EDA: variants seen among roughly 807,000 people sequenced by gnomAD.
The protein encoded by EDA is ectodysplasin-A.
EDA carries 2 observed loss-of-function variants against 23.6 expected under a neutral mutation model. The ratio of observed to expected loss-of-function variants is 0.08; its 90% CI spans 0.03 to 0.27. The LOEUF (loss-of-function observed/expected upper bound fraction) is 0.27, where lower values mean the gene tolerates loss of function less well. Among genes scored for constraint, EDA ranks in the 10% least tolerant of loss-of-function variants. The pLI is 1.00. For missense variants in EDA, 229 were observed against 324.2 expected (o/e 0.71, Z 2.26); for synonymous variants, 131 against 132.0 (o/e 0.99, Z 0.05).
intron 1 of EDA, among the ~76,000 whole-genome samples, chrX:69,890,354 T>G (rs904507164): frequency 1.8e-5 from 2 of 110,578 alleles, no homozygotes; most frequent in Non-Finnish European, 3.8e-5. Flanking sequence ...AGTGATATTC[T>G]TCACAGAATT....
intron 1 of EDA, among the ~76,000 whole-genome samples, chrX:69,698,874 C>T (rs1469388140): frequency 1.8e-5 from 2 of 111,125 alleles, no homozygotes; most frequent in East Asian, 2.9e-4. Context: ...GAGTCCAAAA[C>T]GGGGAATTCT....
chrX:70,010,796 CAA>C (rs1324281486), intron 2 of EDA, among the ~76,000 whole-genome samples: 1 of 111,100 alleles, frequency 9.0e-6, no homozygotes, highest in Non-Finnish European at 1.9e-5. Flanking sequence ...TGATGTCAAA[CAA>C]GAGAGAATGA....
chrX:69,794,632 C>T (rs1227569292), intron 1 of EDA, among the ~76,000 whole-genome samples: 5 of 112,116 alleles, frequency 4.5e-5, no homozygotes, highest in Admixed American at 9.4e-5. Context: ...AGAGTGAATG[C>T]GTGGAGACCA....
intron 1 of EDA, among the ~76,000 whole-genome samples, chrX:69,640,892 A>G (rs1168101022): frequency 9.0e-6 from 1 of 111,224 alleles, no homozygotes; most frequent in East Asian, 2.8e-4. Context: ...TGTCTTCACA[A>G]TTTCCCTGCA....
At chrX:69,913,274 T>C (rs1191705864) in intron 1 of EDA, among the ~76,000 whole-genome samples, 1 of 112,682 alleles carries the variant, frequency 8.9e-6, no homozygotes, top group African/African-American at 3.2e-5. Context: ...TTTGTCTGCA[T>C]TGAAAATCTG....
chrX:69,832,858 A>G, intron 1 of EDA, among the ~76,000 whole-genome samples: 1 of 111,634 alleles, frequency 9.0e-6, no homozygotes, highest in South Asian at 3.8e-4. Flanking sequence ...ATTGGTGTAT[A>G]GGAATGCTTG....
chrX:69,916,548 A>C (rs1037770574), intron 1 of EDA, among the ~76,000 whole-genome samples: 2 of 107,607 alleles, frequency 1.9e-5, no homozygotes, highest in Non-Finnish European at 3.8e-5. Context: ...GACTACAGGC[A>C]CCCGCCACCA....
At chrX:69,879,409 G>A (rs1179957764) in intron 1 of EDA, among the ~76,000 whole-genome samples, 2 of 111,325 alleles carry the variant, frequency 1.8e-5, no homozygotes, top group Admixed American at 1.9e-4. Flanking sequence ...TACTTTATCT[G>A]CGTCCAGGGC....
At chrX:69,907,795 T>G (rs2018201046) in intron 1 of EDA, among the ~76,000 whole-genome samples, 1 of 111,416 alleles carries the variant, frequency 9.0e-6, no homozygotes, top group South Asian at 3.8e-4. Context: ...AGAAGGAATT[T>G]TTGAAGCTCA....
Position 70,035,719 on chromosome X carries a change from A to G in EDA, c.*110A>G, listed in dbSNP as rs1009970681. 3.1e-6 allele frequency: 3 copies of G among 959,260 alleles called. No homozygotes were observed. In the African/African-American group the frequency reaches 5.9e-5, roughly 19 times the overall value. 79.1% of individuals were successfully genotyped at this position (959,260 alleles called of 1,213,427 possible). A position where few individuals can be genotyped will look rare whatever the true frequency, so the allele number is the denominator to read the frequency against. ...TGAGGTGTATTGGTGTTGCAGCCGC[A>G]GAGAAATGCCCCAGTGTTATTTATT... On this transcript the variant is annotated 3_prime_UTR_variant, in exon 8 of 8. Transcript: ENST00000374552.
chrX:69,737,922 G>A (rs892514065), intron 1 of EDA, among the ~76,000 whole-genome samples: 4 of 110,412 alleles, frequency 3.6e-5, no homozygotes, highest in African/African-American at 1.3e-4. Flanking sequence ...AGTTTCTGAT[G>A]ATATATCTGT....
intron 1 of EDA, among the ~76,000 whole-genome samples, chrX:69,838,678 G>A (rs1220154330): frequency 8.9e-6 from 1 of 112,488 alleles, no homozygotes; most frequent in Non-Finnish European, 1.9e-5. Flanking sequence ...GCAGGTCTGG[G>A]TCCTGCTACA....
At chrX:69,668,775 G>T (rs928890428) in intron 1 of EDA, among the ~76,000 whole-genome samples, 2 of 55,307 alleles carry the variant, frequency 3.6e-5, no homozygotes, top group Non-Finnish European at 5.6e-5. Flanking sequence ...GGGTTTCACC[G>T]TGTTAGCCAG....
rs772723198 is a variant in EDA, at chrX:69,616,438, C to G, written c.130C>G (p.Leu44Val). ...CGAAGGGAACAGCTGCCTGCTCTTC[C>G]TGGGTTTCTTTGGCCTCTCGCTGGC... ...AGEGNSCLLF[L>V]GFFGLSLALH... The change falls in exon 1 of 8, where the codon CTG becomes GTG. Residue 44 changes from leucine to valine, a missense_variant. Around this residue, in one of 2 missense-constraint regions of EDA, gnomAD observed 54 missense variants for 42.4 expected, o/e 1.27. Coordinates refer to ENST00000374552, the MANE Select transcript of EDA (RefSeq NM_001399.5). 1 of 1,210,735 alleles carries G rather than the reference C, an allele frequency of 8.3e-7. No homozygotes were observed. Among genetic ancestry groups the G allele is most frequent in the African/African-American group, 1.7e-5 (1 of 57,515 alleles).
chrX:69,653,035 G>A (rs1933156748), intron 1 of EDA, among the ~76,000 whole-genome samples: 1 of 111,728 alleles, frequency 9.0e-6, no homozygotes, highest in Admixed American at 9.5e-5. Context: ...TAACTTGATG[G>A]GGATGGCATT....
intron 3 of EDA, among the ~76,000 whole-genome samples, chrX:70,027,479 G>T (rs757750555): frequency 9.0e-6 from 1 of 111,534 alleles, no homozygotes; most frequent in East Asian, 2.8e-4. Flanking sequence ...TGTGTCCTCA[G>T]AAGTCTGTAG....
intron 1 of EDA, among the ~76,000 whole-genome samples, chrX:69,893,001 G>C (rs1209657383): frequency 9.0e-6 from 1 of 111,441 alleles, no homozygotes; most frequent in Non-Finnish European, 1.9e-5. Flanking sequence ...TACAAATTTA[G>C]TGGCTTAAAA....
chrX:69,885,789 C>A (rs1230242466), intron 1 of EDA, among the ~76,000 whole-genome samples: 1 of 111,837 alleles, frequency 8.9e-6, no homozygotes, highest in Admixed American at 9.5e-5. Context: ...CCCCATCTAC[C>A]TGTGGGCTCA....
chrX:69,779,668 G>A (rs1353455396), intron 1 of EDA, among the ~76,000 whole-genome samples: 1 of 111,391 alleles, frequency 9.0e-6, no homozygotes, highest in African/African-American at 3.3e-5. Context: ...GCATTTAATA[G>A]TACTAAACGC....
Sources: allele counts gnomAD v4.1 joint callset (sites outside exome capture counted in the v4.1 genomes callset), GRCh38; gene constraint gnomAD v4.1.1; regional missense constraint gnomAD v4.1.1; transcripts MANE v1.5; gene names NCBI Gene and HGNC (gene_info 2026-07-23, HGNC 2026-07-21).